PTCD3: variants seen among roughly 807,000 people sequenced by gnomAD.
The protein encoded by PTCD3 is small ribosomal subunit protein mS39.
PTCD3 carries 89 observed loss-of-function variants against 101.9 expected under a neutral mutation model. That is an observed-to-expected ratio of 0.87 (90% confidence interval 0.74 to 1.04). The LOEUF is 1.04. PTCD3 is among the 50% of genes least tolerant of loss of function. PTCD3 has a pLI of 0.00. For missense variants in PTCD3, 870 were observed against 828.2 expected (o/e 1.05, Z -0.62); for synonymous variants, 296 against 278.5 (o/e 1.06, Z -0.63).
intron 4 of PTCD3, among the ~76,000 whole-genome samples, chr2:86,113,329 C>A (rs572040222): frequency 1.3e-5 from 2 of 152,298 alleles, no homozygotes; most frequent in African/African-American, 4.8e-5. Flanking sequence ...AGAAATGGAA[C>A]TTTCTGCTTG....
At chr2:86,136,734 C>A in intron 22 of PTCD3, 172 bp downstream of exon 22, 1 of 807,572 alleles carries the variant, frequency 1.2e-6, no homozygotes, top group Non-Finnish European at 2.0e-6. Flanking sequence ...TCTGTGTTGA[C>A]GGATCATCAT....
chr2:86,124,861 C>A, intron 9 of PTCD3, 134 bp from the exon 10 acceptor site: 1 of 1,260,732 alleles, frequency 7.9e-7, no homozygotes, highest in Non-Finnish European at 1.1e-6. Context: ...AACCATAATA[C>A]CCTGTAAGAA....
intron 17 of PTCD3, chr2:86,132,795 A>C (rs1475942857): frequency 9.8e-6 from 3 of 307,688 alleles, no homozygotes; most frequent in Admixed American, 4.6e-5. Context: ...ATACTCCCTA[A>C]ATGGGTTTGC....
chr2:86,127,718 C>T, intron 13 of PTCD3: 3 of 548,646 alleles, frequency 5.5e-6, no homozygotes, highest in Non-Finnish European at 9.7e-6. Context: ...AAGAATGTGA[C>T]TAATAAGTAT....
chr2:86,112,943 T>C (rs1195587813), intron 4 of PTCD3, among the ~76,000 whole-genome samples: 1 of 152,166 alleles, frequency 6.6e-6, no homozygotes, highest in African/African-American at 2.4e-5. Flanking sequence ...AGAAATAATG[T>C]ACCTGTCATG....
At chr2:86,118,799 A>G in intron 6 of PTCD3, 122 bp from the exon 7 acceptor site, 1 of 1,099,788 alleles carries the variant, frequency 9.1e-7, no homozygotes, top group Non-Finnish European at 1.3e-6. Context: ...TGGTGCAGGA[A>G]ACATGAATTG....
chr2:86,127,101 A>G, intron 12 of PTCD3, 60 bp from the exon 13 acceptor site: 7 of 1,445,234 alleles, frequency 4.8e-6, no homozygotes, highest in Non-Finnish European at 5.7e-6. Flanking sequence ...TGTATGAAAC[A>G]TAGATTATTG....
chr2:86,107,125 C>T (rs1673971539), intron 1 of PTCD3: 1 of 471,020 alleles, frequency 2.1e-6, no homozygotes, highest in African/African-American at 2.0e-5. Context: ...TAGTTCCCCT[C>T]AAGAAAGAGA....
chr2:86,126,773 G>A (rs923370233), intron 12 of PTCD3, among the ~76,000 whole-genome samples: 1 of 151,262 alleles, frequency 6.6e-6, no homozygotes, highest in Non-Finnish European at 1.5e-5. Flanking sequence ...CGAGGCAGAG[G>A]TTGCAGTGAG....
Position 86,106,271 on chromosome 2 carries a change from C to G in PTCD3, c.24C>G (p.Arg8=), listed in dbSNP as rs781044932. The G allele has an allele frequency of 2.5e-6, 4 of 1,613,958 alleles. No individual in the cohort carries two copies. The highest frequency in any genetic ancestry group is 1.1e-5 in the South Asian group (1 of 91,056). The change falls in exon 1 of 24, where the codon CGC becomes CGG. Residue 8 remains arginine (R), a synonymous_variant. Transcript: ENST00000254630. MAVVSAV[R]WLGLRSRLGQ... ...AGATGGCGGTTGTATCTGCTGTTCGCTGGCTGGGCCTCCGCAGCAGGCTTG... is the reference window on the plus strand; with the variant it reads ...AGATGGCGGTTGTATCTGCTGTTCGGTGGCTGGGCCTCCGCAGCAGGCTTG...
chr2:86,112,704 AT>A (rs1404032205), intron 4 of PTCD3, among the ~76,000 whole-genome samples: 13 of 142,926 alleles, frequency 9.1e-5, no homozygotes, highest in East Asian at 2.0e-4. Context: ...AAAAAAAAAA[AT>A]TTAAAATAAA....
chr2:86,121,843 C>T (rs114698596), intron 8 of PTCD3, among the ~76,000 whole-genome samples: 1 of 152,180 alleles, frequency 6.6e-6, no homozygotes, highest in African/African-American at 2.4e-5. Context: ...AAGCGTTGAT[C>T]AGAAATGTTT....
intron 6 of PTCD3, among the ~76,000 whole-genome samples, chr2:86,117,645 C>T (rs909303687): frequency 6.6e-6 from 1 of 151,904 alleles, no homozygotes; most frequent in African/African-American, 2.4e-5. Context: ...TTGTAGAGAA[C>T]AGGGTCTTGT....
chr2:86,106,474 G>GCA, intron 1 of PTCD3, 123 bp downstream of exon 1: 1 of 936,422 alleles, frequency 1.1e-6, no homozygotes, highest in Non-Finnish European at 1.6e-6. Flanking sequence ...TAACGGTCGC[G>GCA]TGCCCTTAAG....
Position 86,125,017 on chromosome 2 carries a change from A to G in PTCD3, c.739A>G (p.Ile247Val), listed in dbSNP as rs764003986. ...TWRAKNNAER[I>V]FSLMPEKNEH... ...TAGAGCAAAAAACAACGCTGAGAGA[A>G]TCTTTTCTCTAATGCCAGAGAAAAA... The change falls in exon 10 of 24, where the codon ATC (isoleucine) becomes GTC (valine). Residue 247 changes from isoleucine to valine, a missense_variant. Physicochemically the swap from Ile to Val is conservative, Grantham distance 29. Transcript: ENST00000254630. 1 of 1,614,118 alleles carries G rather than the reference A, an allele frequency of 6.2e-7. No homozygotes were observed. The highest frequency in any genetic ancestry group is 1.1e-5 in the South Asian group (1 of 91,080).
At chr2:86,118,174 A>G (rs917331119) in intron 6 of PTCD3, among the ~76,000 whole-genome samples, 1 of 152,076 alleles carries the variant, frequency 6.6e-6, no homozygotes, top group Non-Finnish European at 1.5e-5. Flanking sequence ...CTTATAATCC[A>G]TTTGGTACTC....
In PTCD3 at chr2:86,130,666, C is replaced by A. The variant is rs751680698; in HGVS notation, c.1166C>A (p.Ser389Ter). ...TCTGCAGGAGACCCTTTAAAGAGAT[C>A]ATCCTTCATCATTTATGATATAATG... is the stretch of plus-strand genomic sequence containing the variant. ...FDQPGDPLKR[S>*]SFIIYDIMNE... Residue 389 changes from serine (S) to a stop codon, truncating the protein, a stop_gained, in exon 15 of 24, where the codon TCA (serine) becomes TAA (stop). Coordinates refer to ENST00000254630, the MANE Select transcript of PTCD3 (RefSeq NM_017952.6). LOFTEE classifies it high-confidence loss of function. 2 of 1,612,738 alleles carry A rather than the reference C, an allele frequency of 1.2e-6. No homozygotes were observed. Among genetic ancestry groups the A allele is most frequent in the Non-Finnish European group, 8.5e-7 (1 of 1,179,466 alleles).
chr2:86,117,163 A>C lies in PTCD3; in HGVS notation c.414+4A>C. The C allele has an allele frequency of 1.0e-6, 1 of 993,784 alleles. No homozygotes were observed. Among genetic ancestry groups the C allele is most frequent in the Non-Finnish European group, 1.6e-6 (1 of 621,944 alleles). The allele number at this position is 993,784 out of a possible 1,614,324, so 61.6% of individuals were successfully genotyped here. ...CATAGCTGAACCTCATATACCGGTA[A>C]GGAGAGGTAGTTACATTATTTACAT... On this transcript the variant is annotated splice_donor_region_variant and intron_variant, in intron 6 of 23. Transcript: ENST00000254630.
intron 6 of PTCD3, among the ~76,000 whole-genome samples, chr2:86,118,238 G>A (rs1195094275): frequency 6.6e-6 from 1 of 152,118 alleles, no homozygotes; most frequent in African/African-American, 2.4e-5. Flanking sequence ...TGTATTTCCA[G>A]CTCCCTCTTT....
Sources: gnomAD v4.1 joint callset for allele counts (sites outside exome capture counted in the v4.1 genomes callset) on GRCh38, gnomAD v4.1.1 for gene constraint, MANE v1.5 for transcripts, NCBI Gene and HGNC (gene_info 2026-07-23, HGNC 2026-07-21) for gene names.